The following P2RY12 variants were observed in gnomAD, a reference collection of about 807,000 sequenced individuals.
The protein encoded by P2RY12 is P2Y purinoceptor 12.
A neutral mutation model predicts 4.5 loss-of-function variants in P2RY12; 3 were observed. The ratio of observed to expected loss-of-function variants is 0.67; its 90% CI spans 0.31 to 1.74. The LOEUF is 1.74. Among genes scored for constraint, P2RY12 ranks in the 40% most tolerant of loss-of-function variants. The probability of loss-of-function intolerance (pLI) is 0.09; values close to 1 mark genes in which losing one functional copy is unlikely to be tolerated. For missense variants in P2RY12, 356 were observed against 407.8 expected, an observed-to-expected ratio of 0.87 and a Z score of 1.09; for synonymous variants, 148 against 154.1, an observed-to-expected ratio of 0.96 and a Z score of 0.29.
chr3:151,365,054 A>G (rs1560080819), intron 1 of P2RY12: 2 of 1,614,144 alleles, frequency 1.2e-6, no homozygotes, highest in Non-Finnish European at 1.7e-6. Context: ...GATGGGATCC[A>G]GACTTCATGA....
intron 1 of P2RY12, among the ~76,000 whole-genome samples, chr3:151,366,985 T>C (rs559902440): frequency 1.3e-5 from 2 of 152,350 alleles, no homozygotes; most frequent in Admixed American, 1.3e-4. Context: ...TTAACCATAG[T>C]CCTTGGCATA....
intron 1 of P2RY12, among the ~76,000 whole-genome samples, chr3:151,376,389 C>A (rs868837246): frequency 5.9e-5 from 9 of 152,088 alleles, no homozygotes; most frequent in Admixed American, 6.6e-5. Context: ...GTACATGCTG[C>A]AAATTGTATA....
At chr3:151,379,071 G>C (rs1711736520) in intron 1 of P2RY12, among the ~76,000 whole-genome samples, 1 of 152,252 alleles carries the variant, frequency 6.6e-6, no homozygotes, top group Non-Finnish European at 1.5e-5. Flanking sequence ...TTCTGAGCTT[G>C]TGCTCTTAAC....
intron 2 of P2RY12, 102 bp from the exon 3 acceptor site, chr3:151,338,961 G>A: frequency 8.0e-6 from 8 of 1,003,614 alleles, no homozygotes; most frequent in African/African-American, 1.6e-5. Context: ...TCTAAAAGTT[G>A]AGGTTTCTCA....
Position 151,370,648 on chromosome 3 carries a change from T to C in P2RY12, c.-180+14044A>G, listed in dbSNP as rs1029525100. On this transcript the variant is annotated intron_variant, in intron 1 of 2. Transcript: ENST00000302632. The stretch of plus-strand genomic sequence containing the variant: ...GAGTAGAATTTCCCTACTGTGATCA[T>C]ATTTGAAGGGAAGGTCAGTTGGTCG... 2.0e-5 allele frequency among the ~76,000 whole-genome samples: 3 copies of C among 152,144 alleles called. No individual in the cohort carries two copies. In the South Asian group the frequency reaches 6.2e-4, roughly 32 times the overall value.
At chr3:151,381,228 G>T (rs144139983) in intron 1 of P2RY12, among the ~76,000 whole-genome samples, 317 of 152,156 alleles carry the variant, frequency 2.1e-3, no homozygotes, top group South Asian at 7.9e-3. Context: ...TCTTTCCCTC[G>T]AATGGTACTA....
At chr3:151,339,400 G>A (rs1751484371) in intron 2 of P2RY12, among the ~76,000 whole-genome samples, 1 of 147,064 alleles carries the variant, frequency 6.8e-6, no homozygotes, top group South Asian at 2.2e-4. Context: ...AATTACTCTT[G>A]GGAAACTTAT....
intron 1 of P2RY12, chr3:151,365,129 T>G: frequency 6.2e-7 from 1 of 1,614,090 alleles, no homozygotes; most frequent in Non-Finnish European, 8.5e-7. Context: ...AGATCCTCAG[T>G]GACAATGCGG....
chr3:151,365,301 C>A (rs1014575220), intron 1 of P2RY12: 5 of 1,001,802 alleles, frequency 5.0e-6, no homozygotes, highest in African/African-American at 3.2e-5. Flanking sequence ...TCTGGACTCA[C>A]ATTTGGCTAT....
intron 1 of P2RY12, chr3:151,376,918 A>G (rs762503850): frequency 6.2e-7 from 1 of 1,612,200 alleles, no homozygotes; most frequent in South Asian, 1.1e-5. Context: ...AATTTTATAA[A>G]AAGCAAAAAC....
chr3:151,365,144 T>C (rs1464157880), intron 1 of P2RY12: 1 of 1,614,078 alleles, frequency 6.2e-7, no homozygotes, highest in South Asian at 1.1e-5. Context: ...ATGCGGCCAA[T>C]CGCTACAGCT....
rs1179798216 is a variant in P2RY12 at position 151,368,539 on chromosome 3, G to A, written c.-180+16153C>T. Among the ~76,000 whole-genome samples, 3 of 151,822 alleles carry A rather than the reference G, an allele frequency of 2.0e-5. No individual in the cohort carries two copies. Among genetic ancestry groups the A allele is most frequent in the Admixed American group, 6.6e-5 (1 of 15,248 alleles). On this transcript the variant is annotated intron_variant, in intron 1 of 2. Transcript: ENST00000302632. ...GGGCAGCATGGTCCTCTCACGTACT[G>A]TGTGTGTTGGTTCTGAACCACATCA...
At chr3:151,340,283 A>G (rs1751646702) in intron 2 of P2RY12, among the ~76,000 whole-genome samples, 1 of 152,174 alleles carries the variant, frequency 6.6e-6, no homozygotes, top group Non-Finnish European at 1.5e-5. Flanking sequence ...TTTAACAAGT[A>G]TTCTTGACAT....
At chr3:151,356,307 A>T (rs1753915202) in intron 1 of P2RY12, among the ~76,000 whole-genome samples, 1 of 152,110 alleles carries the variant, frequency 6.6e-6, no homozygotes, top group South Asian at 2.1e-4. Context: ...CAGGAGACTC[A>T]CTTAAGCCCA....
At chr3:151,348,567 T>G (rs1353427541) in intron 1 of P2RY12, among the ~76,000 whole-genome samples, 1 of 150,778 alleles carries the variant, frequency 6.6e-6, no homozygotes, top group Non-Finnish European at 1.5e-5. Flanking sequence ...AACTCGCTCC[T>G]AGCTTCTTTT....
chr3:151,370,768 A>C (rs1269650174), intron 1 of P2RY12, among the ~76,000 whole-genome samples: 1 of 152,240 alleles, frequency 6.6e-6, no homozygotes, highest in Non-Finnish European at 1.5e-5. Flanking sequence ...GCTAGCAAAG[A>C]ATCAGTTTTC....
At chr3:151,369,561 C>T (rs533053349) in intron 1 of P2RY12, 3 of 1,546,842 alleles carry the variant, frequency 1.9e-6, no homozygotes, top group Admixed American at 1.8e-5. Flanking sequence ...TAAGATTATT[C>T]TGACCCTAAG....
intron 1 of P2RY12, among the ~76,000 whole-genome samples, chr3:151,384,443 T>A (rs1381670096): frequency 1.3e-5 from 2 of 152,220 alleles, no homozygotes; most frequent in African/African-American, 4.8e-5. Context: ...CATGTTTAAT[T>A]TTTTAAAGAA....
rs11382065 is a variant in P2RY12, at chr3:151,348,340, CAAAAAAAAAAA to C, written c.-179-7591_-179-7581del. On this transcript the variant is annotated intron_variant, in intron 1 of 2. Coordinates refer to ENST00000302632, the MANE Select transcript of P2RY12 (RefSeq NM_022788.5). The stretch of plus-strand genomic sequence containing the variant: ...TTCATATGTACACAAACCACCAGAC[CAAAAAAAAAAA>C]AAAAAAAAAAAAGAAAAAAGAAATA... Among the ~76,000 whole-genome samples the C allele has an allele frequency of 6.2e-3, 547 of 87,846 alleles. 6 individuals carry two copies. Among genetic ancestry groups the C allele is most frequent in the African/African-American group, 0.023 (526 of 22,470 alleles). 57.6% of individuals were successfully genotyped at this position (87,846 alleles called of 152,430 possible).
Sources: allele counts gnomAD v4.1 joint callset (sites outside exome capture counted in the v4.1 genomes callset), GRCh38; gene constraint gnomAD v4.1.1; transcripts MANE v1.5; gene names NCBI Gene and HGNC (gene_info 2026-07-23, HGNC 2026-07-21).